PLEKHA5: variants seen among roughly 807,000 people sequenced by gnomAD.
The protein encoded by PLEKHA5 is pleckstrin homology domain containing A5.
Under a neutral mutation model 181.9 loss-of-function variants are expected in PLEKHA5, and 55 were observed. The observed-to-expected ratio is 0.30, with a 90% confidence interval of 0.24 to 0.38. The LOEUF is 0.38. Ranked by LOEUF, PLEKHA5 falls within the 10% of genes least tolerant of loss-of-function variation. The pLI is 1.00. For synonymous variants in PLEKHA5, 535 were observed against 529.4 expected (o/e 1.01, Z -0.15); for missense variants, 1,432 against 1,549.5 (o/e 0.92, Z 1.27).
chr12:19,184,990 G>C (rs1429852838), intron 3 of PLEKHA5, among the ~76,000 whole-genome samples: 1 of 152,196 alleles, frequency 6.6e-6, no homozygotes, highest in Non-Finnish European at 1.5e-5. Context: ...TGAGGAAGCA[G>C]AGTAAGGCAC....
chr12:19,132,052 C>CT lies in PLEKHA5; in HGVS notation c.170-331dup, dbSNP rs531196693. Among the ~76,000 whole-genome samples the CT allele has an allele frequency of 4.4e-3, 650 of 148,664 alleles. 3 individuals carry two copies. Among genetic ancestry groups the CT allele is most frequent in the Admixed American group, 6.8e-3 (101 of 14,876 alleles). On this transcript the variant is annotated intron_variant, in intron 2 of 31. Coordinates refer to ENST00000429027, the MANE Select transcript of PLEKHA5 (RefSeq NM_001256470.2). ...GGCAGGCGTTGCCTGTTATACCCAG[C>CT]TTTTTTTTTTGCTAGTCATTCATGA...
Position 19,247,935 on chromosome 12 carries a change from AAGAGAGAG to A in PLEKHA5, c.228-5993_228-5986del, listed in dbSNP as rs59039476. Among the ~76,000 whole-genome samples, 17 of 150,400 alleles carry A rather than the reference AAGAGAGAG, an allele frequency of 1.1e-4. No individual in the cohort carries two copies. The East Asian group carries it at 2.3e-3, about 21-fold the overall frequency. On this transcript the variant is annotated intron_variant, in intron 3 of 31. Coordinates refer to ENST00000429027, the MANE Select transcript of PLEKHA5 (RefSeq NM_001256470.2). ...TTAATTTAAATTTAATTAAAAAAAA[AAGAGAGAG>A]AGAGAGAGAGACAAGGTCTTGCTCT...
chr12:19,298,525 C>T (rs1284782205), intron 15 of PLEKHA5, among the ~76,000 whole-genome samples: 4 of 150,312 alleles, frequency 2.7e-5, no homozygotes, highest in Admixed American at 6.7e-5. Context: ...CCCACCACCA[C>T]GCCTGGTGAA....
At chr12:19,350,070 C>A (rs1157503195) in intron 25 of PLEKHA5, among the ~76,000 whole-genome samples, 1 of 152,168 alleles carries the variant, frequency 6.6e-6, no homozygotes, top group Non-Finnish European at 1.5e-5. Flanking sequence ...CAAGATCGTG[C>A]CACTGCACTC....
chr12:19,147,956 C>G (rs974500348), intron 3 of PLEKHA5, among the ~76,000 whole-genome samples: 3 of 152,164 alleles, frequency 2.0e-5, no homozygotes, highest in Non-Finnish European at 4.4e-5. Context: ...AGGTTGATCT[C>G]GAACTCCTGG....
chr12:19,209,078 T>C (rs958846064), intron 3 of PLEKHA5, among the ~76,000 whole-genome samples: 2 of 152,184 alleles, frequency 1.3e-5, no homozygotes, highest in Admixed American at 6.5e-5. Context: ...CCTGTATGAA[T>C]GTGTTATAGC....
intron 27 of PLEKHA5, 85 bp downstream of exon 27, chr12:19,358,522 T>A: frequency 1.2e-6 from 1 of 815,622 alleles, no homozygotes; most frequent in Non-Finnish European, 2.0e-6. Context: ...TGATAGGTCT[T>A]AAAAGGTCTG....
At chr12:19,269,303 C>T (rs2071717968) in intron 8 of PLEKHA5, among the ~76,000 whole-genome samples, 1 of 150,266 alleles carries the variant, frequency 6.7e-6, no homozygotes, top group Admixed American at 6.7e-5. Context: ...AGGAGAATCG[C>T]TTGAACCAGG....
intron 3 of PLEKHA5, among the ~76,000 whole-genome samples, chr12:19,249,153 C>T (rs1270340954): frequency 6.6e-6 from 1 of 152,086 alleles, no homozygotes; most frequent in Non-Finnish European, 1.5e-5. Flanking sequence ...GGCAACCCAG[C>T]AAGACCCCAT....
intron 11 of PLEKHA5, among the ~76,000 whole-genome samples, chr12:19,279,026 A>C (rs889666913): frequency 3.9e-5 from 6 of 152,178 alleles, no homozygotes; most frequent in African/African-American, 1.4e-4. Flanking sequence ...AGAGCTCTAG[A>C]ATAAGTTTAT....
chr12:19,295,121 A>G (rs2079432001), intron 15 of PLEKHA5, among the ~76,000 whole-genome samples: 1 of 152,216 alleles, frequency 6.6e-6, no homozygotes, highest in African/African-American at 2.4e-5. Flanking sequence ...TAGAACCTGT[A>G]TACATACAGT....
intron 3 of PLEKHA5, among the ~76,000 whole-genome samples, chr12:19,155,919 C>G (rs2041574090): frequency 6.6e-6 from 1 of 152,162 alleles, no homozygotes; most frequent in African/African-American, 2.4e-5. Context: ...CAGAGACATT[C>G]CTGTAAAGTA....
chr12:19,287,655 C>T, intron 13 of PLEKHA5, 99 bp downstream of exon 13: 3 of 711,242 alleles, frequency 4.2e-6, no homozygotes, highest in Non-Finnish European at 7.4e-6. Context: ...TTCAGAGGTT[C>T]TCCCAAAGAA....
intron 11 of PLEKHA5, among the ~76,000 whole-genome samples, chr12:19,280,054 T>C (rs1361143089): frequency 7.2e-6 from 1 of 138,020 alleles, no homozygotes; most frequent in Admixed American, 7.5e-5. Context: ...TTTTTTTTTT[T>C]TTTTTTTTTT....
intron 16 of PLEKHA5, among the ~76,000 whole-genome samples, chr12:19,315,598 A>T (rs1044916265): frequency 6.6e-6 from 1 of 152,124 alleles, no homozygotes; most frequent in Admixed American, 6.6e-5. Context: ...CATGGTCTAA[A>T]TGTTTCTAGC....
intron 12 of PLEKHA5, 30 bp downstream of exon 12, chr12:19,283,775 C>A: frequency 7.3e-7 from 1 of 1,363,168 alleles, no homozygotes. Context: ...TGTGTTAACT[C>A]ACTACCTTAT....
At chr12:19,132,143 A>C (rs1166953261) in intron 2 of PLEKHA5, among the ~76,000 whole-genome samples, 2 of 151,862 alleles carry the variant, frequency 1.3e-5, no homozygotes, top group African/African-American at 4.8e-5. Context: ...GTTCCTCTCC[A>C]CCCTAATATA....
At chr12:19,331,046 T>C (rs1042980304) in intron 20 of PLEKHA5, among the ~76,000 whole-genome samples, 1 of 152,182 alleles carries the variant, frequency 6.6e-6, no homozygotes, top group African/African-American at 2.4e-5. Context: ...TGAATTGACA[T>C]TTCTTAAATT....
intron 25 of PLEKHA5, among the ~76,000 whole-genome samples, chr12:19,352,669 C>G (rs1480918915): frequency 6.6e-6 from 1 of 151,044 alleles, no homozygotes. Context: ...CCCATCTCAG[C>G]CTCCCAAAGT....
Sources: allele counts gnomAD v4.1 joint callset (sites outside exome capture counted in the v4.1 genomes callset), GRCh38; gene constraint gnomAD v4.1.1; transcripts MANE v1.5; gene names NCBI Gene and HGNC (gene_info 2026-07-23, HGNC 2026-07-21).